Variants in CDC42 observed in about 807,000 individuals in gnomAD.
CDC42 encodes cell division cycle 42.
In CDC42, 1 loss-of-function variant was observed where a neutral mutation model predicts 20.8. The observed-to-expected ratio is 0.05, with a 90% CI of 0.02 to 0.23. The LOEUF (loss-of-function observed/expected upper bound fraction) is 0.23, where lower values mean the gene tolerates loss of function less well. Ranked by LOEUF, CDC42 falls within the 10% of genes least tolerant of loss-of-function variation. CDC42 has a pLI of 1.00. For missense variants in CDC42, 49 were observed against 227.9 expected, an observed-to-expected ratio of 0.21 and a Z score of 5.05; for synonymous variants, 72 against 84.8, an observed-to-expected ratio of 0.85 and a Z score of 0.83.
At chr1:22,089,628 T>G (rs1645695943) in intron 5 of CDC42, among the ~76,000 whole-genome samples, 1 of 152,228 alleles carries the variant, frequency 6.6e-6, no homozygotes. Flanking sequence ...TTTGTGTCCT[T>G]CAGTTATTCA....
At chr1:22,083,981 T>G (rs1317050165) in intron 3 of CDC42, among the ~76,000 whole-genome samples, 1 of 152,236 alleles carries the variant, frequency 6.6e-6, no homozygotes, top group African/African-American at 2.4e-5. Flanking sequence ...GGTAGTTGTT[T>G]CTTTTGATTG....
rs182479073 is a variant in CDC42 at position 22,091,627 on chromosome 1, A to G, written c.*110A>G. On this transcript the variant is annotated 3_prime_UTR_variant, in exon 6 of 6. Transcript: ENST00000656825. ...AAAATTCGTTTTTGCAATAATGACA[A>G]ATGCCCTGCACCTACCCACATGCAC... is the stretch of plus-strand genomic sequence containing the variant. 32 of 733,380 alleles carry G rather than the reference A, an allele frequency of 4.4e-5. No individual in the cohort carries two copies. The Admixed American group carries it at 7.2e-4, about 17-fold the overall frequency. 45.4% of individuals were successfully genotyped at this position (733,380 alleles called of 1,614,324 possible). A position where few individuals can be genotyped will look rare whatever the true frequency, so the allele number is the denominator to read the frequency against.
chr1:22,081,932 A>G (rs1645612043), intron 3 of CDC42, 138 bp downstream of exon 3: 3 of 630,890 alleles, frequency 4.8e-6, no homozygotes. Flanking sequence ...GAATATAATG[A>G]TTGTCGATGC....
chr1:22,073,358 G>A (rs1181645122), intron 1 of CDC42, among the ~76,000 whole-genome samples: 6 of 151,844 alleles, frequency 4.0e-5, no homozygotes, highest in East Asian at 1.9e-4. Context: ...CCAATGTGGC[G>A]AAACCCCGTC....
At chr1:22,089,920 C>T (rs1056042749) in intron 5 of CDC42, 5 of 1,610,320 alleles carry the variant, frequency 3.1e-6, no homozygotes, top group African/African-American at 2.7e-5. Context: ...CTGCTATTCT[C>T]TCTCCTCCCC....
At chr1:22,054,897 A>G (rs1239431608) in intron 1 of CDC42, among the ~76,000 whole-genome samples, 472 of 7,258 alleles carry the variant, frequency 0.065, 1 homozygote, top group African/African-American at 0.1. Flanking sequence ...TTATGTATAT[A>G]TATATATATA....
chr1:22,053,461 C>T, intron 1 of CDC42: 1 of 152,260 alleles, frequency 6.6e-6, no homozygotes, highest in South Asian at 2.1e-4. Flanking sequence ...TCCATCCGCT[C>T]CTCCAGCCCG....
At chr1:22,060,194 T>G (rs139140189) in intron 1 of CDC42, among the ~76,000 whole-genome samples, 3 of 152,014 alleles carry the variant, frequency 2.0e-5, no homozygotes, top group Non-Finnish European at 2.9e-5. Context: ...ATACAAAAAT[T>G]AGCCATGGTG....
chr1:22,088,749 A>G (rs995897273), intron 5 of CDC42, among the ~76,000 whole-genome samples: 2 of 152,058 alleles, frequency 1.3e-5, no homozygotes, highest in African/African-American at 2.4e-5. Context: ...TATAAAGTAT[A>G]TTTCCCTTTC....
intron 2 of CDC42, chr1:22,079,023 C>G (rs1271503198): frequency 8.5e-6 from 3 of 352,152 alleles, no homozygotes; most frequent in Non-Finnish European, 1.5e-5. Context: ...GTTCGCTTAG[C>G]AGTAATGGAG....
At chr1:22,062,730 TAAAAAAAAAAAAAAAAAA>T (rs531472151) in intron 1 of CDC42, among the ~76,000 whole-genome samples, 1,258 of 69,452 alleles carry the variant, frequency 0.018, 33 homozygotes, top group African/African-American at 0.07. Context: ...TGGCTCTATT[TAAAAAAAAAAAAAAAAAA>T]AAAAAAAAAA....
At chr1:22,076,995 C>A (rs1020880334) in intron 1 of CDC42, among the ~76,000 whole-genome samples, 3 of 151,636 alleles carry the variant, frequency 2.0e-5, no homozygotes, top group Admixed American at 6.6e-5. Context: ...AAAACAAAAA[C>A]CAAACAAAAA....
chr1:22,068,044 TC>T (rs1645443629), intron 1 of CDC42, among the ~76,000 whole-genome samples: 1 of 152,002 alleles, frequency 6.6e-6, no homozygotes, highest in Non-Finnish European at 1.5e-5. Flanking sequence ...ATTGAGCCAC[TC>T]CACTCTGGCC....
chr1:22,053,498 C>G (rs945335457), intron 1 of CDC42: 2 of 152,216 alleles, frequency 1.3e-5, no homozygotes, highest in African/African-American at 4.8e-5. Flanking sequence ...CTGAAGCTTC[C>G]CTTTCGGGGA....
In CDC42 at chr1:22,096,060, C is replaced by T. The variant is rs1431555829; in HGVS notation, c.*4543C>T. On this transcript the variant is annotated 3_prime_UTR_variant, in exon 6 of 6. Coordinates refer to ENST00000656825, the MANE Select transcript of CDC42 (RefSeq NM_001791.4). ...CTGCAACCTCCACCTCCCAGGTTCA[C>T]ATGATTCTCCTGCCTCAGCCTCCTG... 2.6e-5 allele frequency among the ~76,000 whole-genome samples: 4 copies of T among 152,112 alleles called. No homozygotes were observed. Among genetic ancestry groups the T allele is most frequent in the African/African-American group, 7.2e-5 (3 of 41,470 alleles).
At chr1:22,067,448 C>G (rs927635044) in intron 1 of CDC42, among the ~76,000 whole-genome samples, 1 of 152,100 alleles carries the variant, frequency 6.6e-6, no homozygotes, top group Non-Finnish European at 1.5e-5. Flanking sequence ...TCACTGCAAC[C>G]TCTACCTCCC....
At position 22,091,894 on chromosome 1, in the gene CDC42, T is replaced by C. The variant is rs1019896652; in HGVS notation, c.*377T>C. On this transcript the variant is annotated 3_prime_UTR_variant, in exon 6 of 6. Transcript: ENST00000656825. ...TGTTGAAGCTGCTCCCTGGTTCCACTCTGGAGAGTAATCTGGGACATCTTA... is the reference window on the plus strand; with the variant it reads ...TGTTGAAGCTGCTCCCTGGTTCCACCCTGGAGAGTAATCTGGGACATCTTA... 6.5e-6 allele frequency: 1 copy of C among 154,186 alleles called. No individual in the cohort carries two copies. Among genetic ancestry groups the C allele is most frequent in the Non-Finnish European group, 1.4e-5 (1 of 70,996 alleles). 9.6% of individuals were successfully genotyped at this position (154,186 alleles called of 1,614,324 possible).
intron 3 of CDC42, among the ~76,000 whole-genome samples, chr1:22,085,010 TC>T (rs1375910861): frequency 1.3e-5 from 2 of 152,144 alleles, no homozygotes; most frequent in Admixed American, 1.3e-4. Flanking sequence ...GGTGGGCAGA[TC>T]ACCTGAGGTC....
chr1:22,075,468 CTG>C (rs1645538605), intron 1 of CDC42, among the ~76,000 whole-genome samples: 1 of 152,156 alleles, frequency 6.6e-6, no homozygotes. Context: ...AGTTATCCAT[CTG>C]TATCTGTGGG....
Sources: allele counts gnomAD v4.1 joint callset (sites outside exome capture counted in the v4.1 genomes callset), GRCh38; gene constraint gnomAD v4.1.1; transcripts MANE v1.5; gene names NCBI Gene and HGNC (gene_info 2026-07-23, HGNC 2026-07-21).